The following ABCA10 variants were observed in gnomAD, a reference collection of about 807,000 sequenced individuals.
The protein encoded by ABCA10 is ATP-binding cassette sub-family A member 10.
A neutral mutation model predicts 187.5 loss-of-function variants in ABCA10; 169 were observed. The ratio of observed to expected loss-of-function variants is 0.90; its 90% CI spans 0.80 to 1.02. The LOEUF (loss-of-function observed/expected upper bound fraction) is 1.02, where lower values mean the gene tolerates loss of function less well. ABCA10 is among the 50% of genes least tolerant of loss of function. The pLI, the probability that ABCA10 is intolerant of heterozygous loss-of-function variation, is 0.00. For synonymous variants in ABCA10, 574 were observed against 601.8 expected (o/e 0.95, Z 0.68); for missense variants, 1,727 against 1,812.4 (o/e 0.95, Z 0.86).
chr17:69,241,489 T>C (rs1010983703), intron 1 of ABCA10, among the ~76,000 whole-genome samples: 1 of 152,196 alleles, frequency 6.6e-6, no homozygotes, highest in East Asian at 1.9e-4. Flanking sequence ...CTGATCTCAT[T>C]GAATGTCAAT....
At chr17:69,221,705 TGTAAGA>T (rs2074749038) in intron 5 of ABCA10, 81 bp downstream of exon 5, 6 of 1,188,584 alleles carry the variant, frequency 5.0e-6, no homozygotes, top group Admixed American at 5.2e-5. Flanking sequence ...CTCCTAAGAG[TGTAAGA>T]GTAAGGTAGG....
At position 69,152,542 on chromosome 17, in the gene ABCA10, GA is replaced by G. The variant is rs1472145754; in HGVS notation, c.4137-62del. On this transcript the variant is annotated intron_variant, in intron 34 of 38. Coordinates refer to ENST00000690296, the MANE Select transcript of ABCA10 (RefSeq NM_001377321.1). The stretch of plus-strand genomic sequence containing the variant: ...AGTAATTTGGGGAAATAGATAAATA[GA>G]AAAAAGCAGGAAATCTAAAGAGAAA... The G allele has an allele frequency of 3.2e-6, 5 of 1,541,174 alleles. 1 individual carries two copies. The Middle Eastern group carries it at 7.0e-4, about 216-fold the overall frequency.
chr17:69,243,648 G>A (rs964198115), intron 1 of ABCA10, among the ~76,000 whole-genome samples: 9 of 152,072 alleles, frequency 5.9e-5, no homozygotes, highest in South Asian at 2.1e-4. Context: ...CTGTAATTCC[G>A]ACACTTTGGG....
Position 69,191,175 on chromosome 17 carries a change from C to A in ABCA10, c.2011+1G>T. The A allele has an allele frequency of 6.3e-7, 1 of 1,589,210 alleles. No homozygotes were observed. Among genetic ancestry groups the A allele is most frequent in the Non-Finnish European group, 8.6e-7 (1 of 1,166,548 alleles). ...TTCTATGTGATTACACAGTAAGTTA[C>A]CTGGAAATTTGTTCGTTTTTTCCAA... On this transcript the variant is annotated splice_donor_variant, in intron 17 of 38. Coordinates refer to ENST00000690296, the MANE Select transcript of ABCA10 (RefSeq NM_001377321.1). LOFTEE classifies it high-confidence loss of function.
intron 10 of ABCA10, 128 bp from the exon 11 acceptor site, chr17:69,197,250 G>T: frequency 3.0e-6 from 2 of 662,144 alleles, no homozygotes; most frequent in Non-Finnish European, 2.5e-6. Context: ...AAGGAGGGCA[G>T]TAATAAAAGC....
intron 1 of ABCA10, among the ~76,000 whole-genome samples, chr17:69,241,816 T>C (rs1484508576): frequency 3.9e-5 from 6 of 152,242 alleles, no homozygotes; most frequent in Non-Finnish European, 7.3e-5. Flanking sequence ...GTTTCAATAA[T>C]GTATATGCCT....
At chr17:69,202,767 A>T (rs1376252631) in intron 9 of ABCA10, among the ~76,000 whole-genome samples, 1 of 71,782 alleles carries the variant, frequency 1.4e-5, no homozygotes. Context: ...ATGGCTTGAC[A>T]GTTAAATGGA....
rs778728455 is a variant in ABCA10, at chr17:69,152,348, G to T, written c.4256+14C>A. 1.1e-5 allele frequency: 18 copies of T among 1,611,484 alleles called. No individual in the cohort carries two copies. In the East Asian group the frequency reaches 3.8e-4, roughly 34 times the overall value. On this transcript the variant is annotated intron_variant, in intron 35 of 38. Coordinates refer to ENST00000690296, the MANE Select transcript of ABCA10 (RefSeq NM_001377321.1). The stretch of plus-strand genomic sequence containing the variant: ...GAACATGCTAGTCCCATGCTGGTCA[G>T]GACAGGCACCCACCTTAGCGTTCCT...
intron 20 of ABCA10, 51 bp downstream of exon 20, chr17:69,185,426 A>G (rs1345425275): frequency 2.4e-5 from 37 of 1,544,482 alleles, no homozygotes; most frequent in Non-Finnish European, 3.0e-5. Context: ...TGTGCTTTCT[A>G]AAGATCTTTG....
At chr17:69,191,094 T>C in intron 17 of ABCA10, 82 bp downstream of exon 17, 1 of 1,245,510 alleles carries the variant, frequency 8.0e-7, no homozygotes, top group Admixed American at 3.4e-5. Flanking sequence ...GCTTTAGAAC[T>C]CGATTCATAG....
At position 69,202,944 on chromosome 17, in the gene ABCA10, T is replaced by A. The variant is rs181206279; in HGVS notation, c.1007-1276A>T. On this transcript the variant is annotated intron_variant, in intron 9 of 38. Transcript: ENST00000690296. ...TAGGATAATTAAAACAATACAGAATTTTCACATGTAATATTTCACTGCAAG... is the reference window on the plus strand; with the variant it reads ...TAGGATAATTAAAACAATACAGAATATTCACATGTAATATTTCACTGCAAG... Among the ~76,000 whole-genome samples, 112 of 152,272 alleles carry A rather than the reference T, an allele frequency of 7.4e-4. 1 individual carries two copies. Among genetic ancestry groups the A allele is most frequent in the Non-Finnish European group, 3.5e-4 (24 of 68,004 alleles).
chr17:69,190,306 T>G, intron 18 of ABCA10, 52 bp downstream of exon 18: 1 of 1,494,962 alleles, frequency 6.7e-7, no homozygotes, highest in Non-Finnish European at 8.8e-7. Flanking sequence ...AACATCATCT[T>G]TTTCTCTTCT....
chr17:69,183,813 T>C (rs1414410034), intron 20 of ABCA10, among the ~76,000 whole-genome samples: 1 of 152,156 alleles, frequency 6.6e-6, no homozygotes. Flanking sequence ...AACTTCCAGC[T>C]GAACTTTGTA....
chr17:69,185,754 T>A lies in ABCA10; in HGVS notation c.2331-111A>T. The A allele has an allele frequency of 1.0e-5, 8 of 770,914 alleles. No individual in the cohort carries two copies. In the South Asian group the frequency reaches 2.2e-4, roughly 21 times the overall value. The allele number at this position is 770,914 out of a possible 1,614,324, so 47.8% of individuals were successfully genotyped here. On this transcript the variant is annotated intron_variant, in intron 19 of 38. Transcript: ENST00000690296. ...ATGGAAAGTCCACATGCATATGTGG[T>A]GTTTAGTTAGATAAAATGAAACATA...
chr17:69,204,179 T>C (rs1266052041), intron 9 of ABCA10, among the ~76,000 whole-genome samples: 2 of 152,230 alleles, frequency 1.3e-5, no homozygotes, highest in East Asian at 1.9e-4. Context: ...CCGGTAATTA[T>C]TGTAAACTGG....
rs1430861166 is a variant in ABCA10, at chr17:69,186,554, C to T, written c.2331-911G>A. 3.9e-5 allele frequency among the ~76,000 whole-genome samples: 6 copies of T among 152,202 alleles called. No homozygotes were observed. The East Asian group carries it at 1.2e-3, about 29-fold the overall frequency. On this transcript the variant is annotated intron_variant, in intron 19 of 38. Transcript: ENST00000690296. ...CTTCTGCTCTTTCTACTCCGCTCCA[C>T]AGTCAAGCACCGCAAAAGAGTTGTC...
intron 22 of ABCA10, among the ~76,000 whole-genome samples, chr17:69,177,955 CAAAAAAAAA>C (rs11320201): frequency 1.5e-4 from 10 of 64,978 alleles, no homozygotes; most frequent in Non-Finnish European, 2.5e-4. Flanking sequence ...GACTCCATTT[CAAAAAAAAA>C]AAAAAAAAAA....
chr17:69,206,836 G>A (rs1028209262), intron 9 of ABCA10, among the ~76,000 whole-genome samples: 10 of 152,068 alleles, frequency 6.6e-5, no homozygotes, highest in African/African-American at 2.4e-4. Context: ...GGGGGAGAGG[G>A]GAGCTTCATG....
At chr17:69,204,044 A>G (rs993337192) in intron 9 of ABCA10, among the ~76,000 whole-genome samples, 3 of 152,234 alleles carry the variant, frequency 2.0e-5, no homozygotes, top group African/African-American at 7.2e-5. Context: ...AATTCTGTAC[A>G]TTCCCTATCA....
Sources: gnomAD v4.1 joint callset for allele counts (sites outside exome capture counted in the v4.1 genomes callset) on GRCh38, gnomAD v4.1.1 for gene constraint, MANE v1.5 for transcripts, NCBI Gene and HGNC (gene_info 2026-07-23, HGNC 2026-07-21) for gene names.